Variants in KLRF1 observed in about 807,000 individuals in gnomAD.
The protein encoded by KLRF1 is killer cell lectin-like receptor subfamily F member 1.
A neutral mutation model predicts 30.7 loss-of-function variants in KLRF1; 27 were observed. The ratio of observed to expected loss-of-function variants is 0.88; its 90% CI spans 0.65 to 1.21. KLRF1 has a LOEUF of 1.21. KLRF1 is among the 50% of genes most tolerant of loss of function. The pLI is 0.00. For synonymous variants in KLRF1, 92 were observed against 89.3 expected, an observed-to-expected ratio of 1.03 and a Z score of -0.17; for missense variants, 246 against 259.3, an observed-to-expected ratio of 0.95 and a Z score of 0.35.
chr12:9,821,005 C>T, the KLRF1 span, among the ~76,000 whole-genome samples: 1 of 152,142 alleles, frequency 6.6e-6, no homozygotes, highest in Admixed American at 6.5e-5. Context: ...CTCAGAGTTC[C>T]CCTGGGGAGA....
At chr12:9,835,561 GGTAA>G (rs1320070637) in intron 3 of KLRF1, among the ~76,000 whole-genome samples, 3 of 152,166 alleles carry the variant, frequency 2.0e-5, no homozygotes, top group South Asian at 4.1e-4. Flanking sequence ...TGAAATACAG[GGTAA>G]GTGTCTTCCT....
At chr12:9,828,066 A>T (rs1308635793) in intron 1 of KLRF1, among the ~76,000 whole-genome samples, 1 of 151,944 alleles carries the variant, frequency 6.6e-6, no homozygotes, top group East Asian at 1.9e-4. Context: ...CATTCATAGA[A>T]TATGGTGTTT....
chr12:9,819,306 C>T, the KLRF1 span, among the ~76,000 whole-genome samples: 82 of 152,220 alleles, frequency 5.4e-4, no homozygotes, highest in African/African-American at 1.7e-3. Context: ...AGGGATTGTC[C>T]GCAGGCCCTG....
the KLRF1 span, among the ~76,000 whole-genome samples, chr12:9,806,216 TTA>T: frequency 5.9e-5 from 9 of 152,040 alleles, no homozygotes; most frequent in Non-Finnish European, 4.4e-5. Flanking sequence ...CCTATAATTT[TTA>T]TATGTTTGCT....
At chr12:9,808,285 T>C in the KLRF1 span, among the ~76,000 whole-genome samples, 2 of 152,148 alleles carry the variant, frequency 1.3e-5, no homozygotes, top group Non-Finnish European at 2.9e-5. Context: ...GATTAATGCT[T>C]TTCCCCCAAT....
intron 3 of KLRF1, among the ~76,000 whole-genome samples, chr12:9,834,373 TA>T (rs1867522078): frequency 6.6e-6 from 1 of 151,804 alleles, no homozygotes; most frequent in Admixed American, 6.6e-5. Context: ...AAAAATAACA[TA>T]AAATAGTATT....
At chr12:9,824,684 T>G (rs1440396672), upstream of KLRF1, among the ~76,000 whole-genome samples, 2 of 152,164 alleles carry the variant, frequency 1.3e-5, no homozygotes, top group Non-Finnish European at 2.9e-5. Flanking sequence ...TATTCCTGTT[T>G]TCAGACCATA....
At chr12:9,821,152 AGAG>A in the KLRF1 span, among the ~76,000 whole-genome samples, 4 of 152,118 alleles carry the variant, frequency 2.6e-5, no homozygotes, top group East Asian at 7.7e-4. Flanking sequence ...CACCATAGGG[AGAG>A]GAGACCATTC....
upstream of KLRF1, among the ~76,000 whole-genome samples, chr12:9,823,037 A>G (rs564680726): frequency 2.0e-5 from 3 of 152,080 alleles, no homozygotes; most frequent in Non-Finnish European, 4.4e-5. Context: ...CACTCCAGAC[A>G]GGTCATCAAG....
intron 3 of KLRF1, among the ~76,000 whole-genome samples, chr12:9,840,619 C>A (rs1431545444): frequency 1.3e-5 from 2 of 151,108 alleles, no homozygotes; most frequent in Admixed American, 1.3e-4. Context: ...ATAATTTAAT[C>A]ATTTAATCAT....
chr12:9,813,452 A>C, the KLRF1 span, among the ~76,000 whole-genome samples: 1 of 152,104 alleles, frequency 6.6e-6, no homozygotes, highest in Non-Finnish European at 1.5e-5. Context: ...GTACAAGCGC[A>C]GGCCCCCACG....
Position 9,832,427 on chromosome 12 carries a change from G to T in KLRF1, c.184+13G>T. 7.3e-7 allele frequency: 1 copy of T among 1,364,976 alleles called. No individual in the cohort carries two copies. 84.6% of individuals were successfully genotyped at this position (1,364,976 alleles called of 1,614,324 possible). The stretch of plus-strand genomic sequence containing the variant: ...TTGATCCTGTTGGGTAAGTTTAGAA[G>T]ATCTTAATTAAATAAAAATATGAAA... On this transcript the variant is annotated intron_variant, in intron 2 of 5. Coordinates refer to ENST00000617889, the MANE Select transcript of KLRF1 (RefSeq NM_016523.3).
the KLRF1 span, among the ~76,000 whole-genome samples, chr12:9,819,952 G>C: frequency 6.6e-6 from 1 of 152,214 alleles, no homozygotes; most frequent in Non-Finnish European, 1.5e-5. Flanking sequence ...TGCCATTTGT[G>C]CTGCTTCACA....
At chr12:9,823,439 A>C (rs947916141), upstream of KLRF1, among the ~76,000 whole-genome samples, 4 of 152,218 alleles carry the variant, frequency 2.6e-5, no homozygotes, top group Admixed American at 2.0e-4. Flanking sequence ...TTTGAAACTC[A>C]TGAGAACAAA....
chr12:9,842,019 C>T (rs1363011532), intron 4 of KLRF1, 68 bp downstream of exon 4: 2 of 1,446,050 alleles, frequency 1.4e-6, no homozygotes, highest in African/African-American at 1.4e-5. Context: ...AATATCTTTC[C>T]ATCTTTGCAT....
At chr12:9,812,121 G>A in the KLRF1 span, among the ~76,000 whole-genome samples, 1 of 152,064 alleles carries the variant, frequency 6.6e-6, no homozygotes, top group African/African-American at 2.4e-5. Flanking sequence ...ATCCCAGCAC[G>A]TTGGGAGGCC....
chr12:9,828,070 G>A (rs1445887110), intron 1 of KLRF1, among the ~76,000 whole-genome samples: 1 of 151,546 alleles, frequency 6.6e-6, no homozygotes, highest in Non-Finnish European at 1.5e-5. Context: ...CATAGAATAT[G>A]GTGTTTTAAT....
Position 9,827,491 on chromosome 12 carries a change from A to G in KLRF1, c.-54A>G. The G allele has an allele frequency of 1.0e-6, 1 of 957,684 alleles. No individual in the cohort carries two copies. Among genetic ancestry groups the G allele is most frequent in the Non-Finnish European group, 1.6e-6 (1 of 624,664 alleles). 59.3% of individuals were successfully genotyped at this position (957,684 alleles called of 1,614,324 possible). On this transcript the variant is annotated 5_prime_UTR_variant, in exon 1 of 6. Coordinates refer to ENST00000617889, the MANE Select transcript of KLRF1 (RefSeq NM_016523.3). ...TATTATTCTTTCCTCATTTCATGTTATACTTAATAAAACAAAACATACCTG... is the reference window on the plus strand; with the variant it reads ...TATTATTCTTTCCTCATTTCATGTTGTACTTAATAAAACAAAACATACCTG...
intron 1 of KLRF1, among the ~76,000 whole-genome samples, chr12:9,830,591 A>G (rs989354383): frequency 2.0e-5 from 3 of 152,066 alleles, no homozygotes; most frequent in East Asian, 1.9e-4. Flanking sequence ...GTTTTTTAAC[A>G]TAAAGATATA....
Sources: gnomAD v4.1 joint callset for allele counts (sites outside exome capture counted in the v4.1 genomes callset) on GRCh38, gnomAD v4.1.1 for gene constraint, MANE v1.5 for transcripts, NCBI Gene and HGNC (gene_info 2026-07-23, HGNC 2026-07-21) for gene names.